The following PPP2R5E variants were observed in gnomAD, a reference collection of about 807,000 sequenced individuals.
PPP2R5E encodes the protein serine/threonine-protein phosphatase 2A 56 kDa regulatory subunit epsilon isoform.
PPP2R5E carries 4 observed loss-of-function variants against 65.3 expected under a neutral mutation model. The observed-to-expected ratio is 0.06, with a 90% CI of 0.03 to 0.14. The LOEUF is 0.14. PPP2R5E is among the 10% of genes least tolerant of loss of function. The pLI is 1.00. For missense variants in PPP2R5E, 274 were observed against 556.1 expected (o/e 0.49, Z 5.10); for synonymous variants, 183 against 187.4 (o/e 0.98, Z 0.19).
At chr14:63,429,873 G>A (rs1887537944) in intron 3 of PPP2R5E, among the ~76,000 whole-genome samples, 3 of 151,952 alleles carry the variant, frequency 2.0e-5, no homozygotes, top group Admixed American at 2.0e-4. Flanking sequence ...TAGTAGAGAT[G>A]GGGTTTCACT....
chr14:63,452,667 G>A (rs946639095), intron 3 of PPP2R5E: 4 of 152,216 alleles, frequency 2.6e-5, no homozygotes, highest in South Asian at 2.1e-4. Flanking sequence ...ATTGGGCATC[G>A]TTTTCAGATG....
At chr14:63,455,766 G>T (rs907956283) in intron 2 of PPP2R5E, among the ~76,000 whole-genome samples, 5 of 152,044 alleles carry the variant, frequency 3.3e-5, no homozygotes, top group African/African-American at 1.2e-4. Flanking sequence ...TTTCGAGATC[G>T]AAATCAGACC....
intron 2 of PPP2R5E, among the ~76,000 whole-genome samples, chr14:63,530,704 C>T (rs953943572): frequency 7.2e-6 from 1 of 138,746 alleles, no homozygotes; most frequent in African/African-American, 2.8e-5. Context: ...GATGCAACCT[C>T]TGCCTCCCAG....
intron 2 of PPP2R5E, among the ~76,000 whole-genome samples, chr14:63,531,189 A>G (rs1213216422): frequency 1.3e-5 from 2 of 152,166 alleles, no homozygotes; most frequent in African/African-American, 4.8e-5. Flanking sequence ...AAGAAAGAAA[A>G]AAATAACATA....
intron 3 of PPP2R5E, among the ~76,000 whole-genome samples, chr14:63,432,540 G>A (rs915512525): frequency 5.3e-5 from 8 of 152,078 alleles, no homozygotes; most frequent in East Asian, 1.9e-4. Context: ...TCAACACTTC[G>A]TTAGAAGGGG....
chr14:63,510,642 T>C (rs554420825), intron 2 of PPP2R5E, among the ~76,000 whole-genome samples: 1 of 152,348 alleles, frequency 6.6e-6, no homozygotes, highest in East Asian at 1.9e-4. Flanking sequence ...CTACGGCCTG[T>C]TAGTGTGTTT....
intron 3 of PPP2R5E, among the ~76,000 whole-genome samples, chr14:63,422,998 T>TG: frequency 6.6e-6 from 1 of 152,360 alleles, no homozygotes; most frequent in East Asian, 1.9e-4. Flanking sequence ...AAACAATGGT[T>TG]GTTCAAAACA....
intron 3 of PPP2R5E, among the ~76,000 whole-genome samples, chr14:63,440,938 G>C (rs1461651957): frequency 9.9e-6 from 1 of 100,888 alleles, no homozygotes; most frequent in Non-Finnish European, 1.8e-5. Flanking sequence ...AACAGAGCGA[G>C]ACTCCATCTC....
intron 2 of PPP2R5E, among the ~76,000 whole-genome samples, chr14:63,533,196 C>T (rs1893507100): frequency 6.6e-6 from 1 of 152,170 alleles, no homozygotes; most frequent in Non-Finnish European, 1.5e-5. Flanking sequence ...TTATAAAAAT[C>T]TGGTATTATA....
chr14:63,490,297 C>T (rs1049031546), intron 2 of PPP2R5E, among the ~76,000 whole-genome samples: 22 of 152,014 alleles, frequency 1.4e-4, no homozygotes, highest in African/African-American at 5.3e-4. Flanking sequence ...GGATTAAGGA[C>T]TTAAATGTAA....
chr14:63,498,636 C>A (rs1030635397), intron 2 of PPP2R5E, among the ~76,000 whole-genome samples: 8 of 152,016 alleles, frequency 5.3e-5, no homozygotes, highest in Admixed American at 2.0e-4. Flanking sequence ...TGGCTTACTG[C>A]AGCCGCGACT....
Position 63,538,076 on chromosome 14 carries a change from A to G in PPP2R5E, c.157+1453T>C, listed in dbSNP as rs563401755. On this transcript the variant is annotated intron_variant, in intron 2 of 13. Coordinates refer to ENST00000337537, the MANE Select transcript of PPP2R5E (RefSeq NM_006246.5). ...ATCCTGGCATGGGAACACCATGGCA[A>G]TTCGAGACCAGCCTGTGCAACATGG... Among the ~76,000 whole-genome samples, 22 of 152,250 alleles carry G rather than the reference A, an allele frequency of 1.4e-4. No individual in the cohort carries two copies. In the East Asian group the frequency reaches 2.9e-3, roughly 20 times the overall value.
chr14:63,418,050 T>C (rs1404039288), intron 4 of PPP2R5E, among the ~76,000 whole-genome samples: 1 of 152,204 alleles, frequency 6.6e-6, no homozygotes, highest in African/African-American at 2.4e-5. Context: ...TATGTTTTTC[T>C]CCTTGGAACT....
chr14:63,528,916 T>C (rs1477141688), intron 2 of PPP2R5E, among the ~76,000 whole-genome samples: 2 of 152,182 alleles, frequency 1.3e-5, no homozygotes, highest in East Asian at 1.9e-4. Context: ...GAAGATCATA[T>C]TTTAATGGGG....
At chr14:63,483,609 C>T (rs1032191445) in intron 2 of PPP2R5E, among the ~76,000 whole-genome samples, 7 of 152,038 alleles carry the variant, frequency 4.6e-5, no homozygotes, top group African/African-American at 1.7e-4. Flanking sequence ...GGTTCAGATC[C>T]GAGAGCTTCC....
intron 2 of PPP2R5E, among the ~76,000 whole-genome samples, chr14:63,507,724 C>T (rs914224192): frequency 6.6e-6 from 1 of 151,586 alleles, no homozygotes; most frequent in Non-Finnish European, 1.5e-5. Flanking sequence ...GGACTACAGG[C>T]GCCCGCCACC....
chr14:63,532,801 G>A (rs1193731949), intron 2 of PPP2R5E, among the ~76,000 whole-genome samples: 3 of 152,176 alleles, frequency 2.0e-5, no homozygotes, highest in African/African-American at 4.8e-5. Flanking sequence ...GACATGGAGT[G>A]TAGTAACCAC....
At chr14:63,512,078 TAAAAAAAAAAAAAA>T (rs57623942) in intron 2 of PPP2R5E, among the ~76,000 whole-genome samples, 1 of 87,076 alleles carries the variant, frequency 1.1e-5, no homozygotes. Flanking sequence ...GACTCTGCGG[TAAAAAAAAAAAAAA>T]AAAAAAAAAA....
chr14:63,448,040 G>A (rs1315812551), intron 3 of PPP2R5E, among the ~76,000 whole-genome samples: 4 of 152,236 alleles, frequency 2.6e-5, no homozygotes, highest in Admixed American at 2.6e-4. Context: ...GCTCACGCCT[G>A]TAATCCCAGC....
Sources: allele counts gnomAD v4.1 joint callset (sites outside exome capture counted in the v4.1 genomes callset), GRCh38; gene constraint gnomAD v4.1.1; transcripts MANE v1.5; gene names NCBI Gene and HGNC (gene_info 2026-07-23, HGNC 2026-07-21).